Variants in ZNF385B observed in about 807,000 individuals in gnomAD.
ZNF385B encodes the protein zinc finger protein 385B.
A neutral mutation model predicts 39.2 loss-of-function variants in ZNF385B; 23 were observed. That is an observed-to-expected ratio of 0.59 (90% CI 0.42 to 0.83). ZNF385B has a LOEUF of 0.83. Among genes scored for constraint, ZNF385B ranks in the 40% least tolerant of loss-of-function variants. ZNF385B has a pLI of 0.00. For synonymous variants in ZNF385B, 205 were observed against 222.6 expected, an observed-to-expected ratio of 0.92 and a Z score of 0.70; for missense variants, 552 against 598.9, an observed-to-expected ratio of 0.92 and a Z score of 0.82.
chr2:179,703,452 A>G (rs906454515), intron 3 of ZNF385B, among the ~76,000 whole-genome samples: 1 of 152,212 alleles, frequency 6.6e-6, no homozygotes, highest in Admixed American at 6.5e-5. Context: ...TTAACATAGT[A>G]TATATGTCAT....
intron 6 of ZNF385B, among the ~76,000 whole-genome samples, chr2:179,451,514 A>C (rs1351816499): frequency 6.6e-6 from 1 of 152,114 alleles, no homozygotes; most frequent in Non-Finnish European, 1.5e-5. Context: ...ATTGAGATGT[A>C]TAGTATGTTT....
intron 3 of ZNF385B, among the ~76,000 whole-genome samples, chr2:179,740,250 G>A (rs1240116626): frequency 6.6e-6 from 1 of 152,114 alleles, no homozygotes; most frequent in African/African-American, 2.4e-5. Context: ...CAGAGAAACA[G>A]AAAACTGGCA....
chr2:179,705,166 C>T (rs927078716), intron 3 of ZNF385B, among the ~76,000 whole-genome samples: 2 of 152,134 alleles, frequency 1.3e-5, no homozygotes, highest in Admixed American at 6.5e-5. Flanking sequence ...CTTCCTGCCC[C>T]AAAGGAAGCC....
intron 3 of ZNF385B, among the ~76,000 whole-genome samples, chr2:179,747,137 T>C (rs574798527): frequency 1.6e-4 from 24 of 152,248 alleles, no homozygotes; most frequent in African/African-American, 5.3e-4. Context: ...AGCTCTGAGA[T>C]GACACATTTA....
chr2:179,711,559 T>C (rs1384765906), intron 3 of ZNF385B, among the ~76,000 whole-genome samples: 1 of 152,118 alleles, frequency 6.6e-6, no homozygotes, highest in East Asian at 1.9e-4. Flanking sequence ...AGAATGTGTG[T>C]TCAGAATCCA....
intron 3 of ZNF385B, among the ~76,000 whole-genome samples, chr2:179,725,082 A>T (rs1034279662): frequency 2.0e-4 from 31 of 152,104 alleles, no homozygotes; most frequent in Admixed American, 5.9e-4. Flanking sequence ...CATTTATGGG[A>T]AACTACACAA....
intron 3 of ZNF385B, among the ~76,000 whole-genome samples, chr2:179,693,691 T>C (rs1488311314): frequency 6.6e-6 from 1 of 152,232 alleles, no homozygotes; most frequent in Non-Finnish European, 1.5e-5. Flanking sequence ...AAATACTTTT[T>C]ATGAAATAAT....
intron 3 of ZNF385B, among the ~76,000 whole-genome samples, chr2:179,643,571 T>C (rs1692454375): frequency 6.6e-6 from 1 of 152,138 alleles, no homozygotes. Context: ...AAAACAAGGA[T>C]GAATCTCAAA....
chr2:179,580,095 C>G (rs1241851147), intron 3 of ZNF385B, among the ~76,000 whole-genome samples: 1 of 152,092 alleles, frequency 6.6e-6, no homozygotes, highest in African/African-American at 2.4e-5. Context: ...TTCCAAACTT[C>G]AATTTTCTAA....
chr2:179,590,099 C>A (rs1387756410), intron 3 of ZNF385B, among the ~76,000 whole-genome samples: 1 of 152,204 alleles, frequency 6.6e-6, no homozygotes, highest in Non-Finnish European at 1.5e-5. Flanking sequence ...CTTCTCTGAT[C>A]TTCTGCTGCC....
intron 1 of ZNF385B, among the ~76,000 whole-genome samples, chr2:179,811,568 T>C (rs530474295): frequency 6.6e-6 from 1 of 152,232 alleles, no homozygotes; most frequent in East Asian, 1.9e-4. Flanking sequence ...CCCTATTCAG[T>C]AAATGGTGCT....
At chr2:179,846,960 A>G (rs1489777136) in intron 1 of ZNF385B, among the ~76,000 whole-genome samples, 2 of 152,266 alleles carry the variant, frequency 1.3e-5, no homozygotes, top group East Asian at 3.8e-4. Context: ...AAATTAGGCA[A>G]GAAATAAAGG....
At chr2:179,451,401 A>T (rs2105589239) in intron 6 of ZNF385B, among the ~76,000 whole-genome samples, 1 of 152,176 alleles carries the variant, frequency 6.6e-6, no homozygotes. Context: ...GCTGGCAACA[A>T]GTGTAATGGG....
intron 3 of ZNF385B, among the ~76,000 whole-genome samples, chr2:179,716,971 G>A (rs1700368277): frequency 6.6e-6 from 1 of 152,116 alleles, no homozygotes. Context: ...GAACTGCCCA[G>A]CTGAATTTTT....
intron 3 of ZNF385B, among the ~76,000 whole-genome samples, chr2:179,654,223 C>A (rs147610343): frequency 2.4e-4 from 36 of 152,202 alleles, no homozygotes; most frequent in African/African-American, 8.4e-4. Flanking sequence ...CACAGGTATA[C>A]CGTGTCTCCA....
intron 3 of ZNF385B, among the ~76,000 whole-genome samples, chr2:179,658,632 A>G (rs948306915): frequency 1.3e-5 from 2 of 152,226 alleles, no homozygotes; most frequent in Non-Finnish European, 2.9e-5. Flanking sequence ...CTGCAAATAC[A>G]TAATCAATTA....
chr2:179,738,247 A>G (rs923055801), intron 3 of ZNF385B, among the ~76,000 whole-genome samples: 2 of 152,184 alleles, frequency 1.3e-5, no homozygotes, highest in Non-Finnish European at 2.9e-5. Flanking sequence ...TTTATTGAAA[A>G]AATATAATTC....
chr2:179,645,035 G>A (rs961713173), intron 3 of ZNF385B, among the ~76,000 whole-genome samples: 3 of 152,206 alleles, frequency 2.0e-5, no homozygotes, highest in Non-Finnish European at 4.4e-5. Context: ...CTGAGGCAGT[G>A]TCATCCATCT....
At chr2:179,524,580 A>G in intron 4 of ZNF385B, among the ~76,000 whole-genome samples, 2 of 146,236 alleles carry the variant, frequency 1.4e-5, no homozygotes, top group African/African-American at 5.0e-5. Context: ...AAAAAAAAAA[A>G]AAAAAAAAAA....
Sources: allele counts gnomAD v4.1 joint callset (sites outside exome capture counted in the v4.1 genomes callset), GRCh38; gene constraint gnomAD v4.1.1; transcripts MANE v1.5; gene names NCBI Gene and HGNC (gene_info 2026-07-23, HGNC 2026-07-21).